The following TRAPPC9 variants were observed in gnomAD, a reference collection of about 807,000 sequenced individuals.
TRAPPC9 encodes trafficking protein particle complex subunit 9.
Under a neutral mutation model 124.0 loss-of-function variants are expected in TRAPPC9, and 83 were observed. The ratio of observed to expected loss-of-function variants is 0.67; its 90% confidence interval spans 0.56 to 0.80. The LOEUF (loss-of-function observed/expected upper bound fraction) is 0.80, where lower values mean the gene tolerates loss of function less well. Among genes scored for constraint, TRAPPC9 ranks in the 30% least tolerant of loss-of-function variants. TRAPPC9 has a pLI of 0.00. For synonymous variants in TRAPPC9, 638 were observed against 617.5 expected (o/e 1.03, Z -0.49); for missense variants, 1,302 against 1,508.3 (o/e 0.86, Z 2.27).
intron 18 of TRAPPC9, among the ~76,000 whole-genome samples, chr8:139,994,327 T>G (rs1837834711): frequency 6.6e-6 from 1 of 152,192 alleles, no homozygotes; most frequent in South Asian, 2.1e-4. Context: ...CTTCACACTG[T>G]GCGCCTGAGG....
chr8:139,839,738 G>A (rs577516542), intron 21 of TRAPPC9, among the ~76,000 whole-genome samples: 2 of 152,098 alleles, frequency 1.3e-5, no homozygotes, highest in African/African-American at 4.8e-5. Flanking sequence ...GCTCTGCTGG[G>A]TGCTGCCTCC....
chr8:140,062,483 T>G (rs1210836010), intron 17 of TRAPPC9, among the ~76,000 whole-genome samples: 1 of 152,178 alleles, frequency 6.6e-6, no homozygotes, highest in Non-Finnish European at 1.5e-5. Flanking sequence ...TTACTCCAGC[T>G]GCTGCTTCTC....
At chr8:140,017,901 T>C (rs939212573) in intron 18 of TRAPPC9, among the ~76,000 whole-genome samples, 2 of 152,106 alleles carry the variant, frequency 1.3e-5, no homozygotes, top group Non-Finnish European at 2.9e-5. Flanking sequence ...TGGAGTGCAG[T>C]GGTATAATCT....
intron 21 of TRAPPC9, among the ~76,000 whole-genome samples, chr8:139,773,929 A>G (rs898668): frequency 0.3 from 45,361 of 152,180 alleles, 8,652 homozygotes; most frequent in African/African-American, 0.54. Flanking sequence ...GAAGTCAGAA[A>G]ACATCCAAAC....
At chr8:140,240,483 C>T (rs776276161) in intron 16 of TRAPPC9, among the ~76,000 whole-genome samples, 2 of 152,200 alleles carry the variant, frequency 1.3e-5, no homozygotes, top group Non-Finnish European at 2.9e-5. Flanking sequence ...CTGGTTAAGA[C>T]CTTCCTGCCT....
intron 21 of TRAPPC9, among the ~76,000 whole-genome samples, chr8:139,836,721 A>G (rs974693992): frequency 6.6e-6 from 1 of 152,202 alleles, no homozygotes; most frequent in African/African-American, 2.4e-5. Flanking sequence ...ACAAAATCTC[A>G]GCATGCATGC....
intron 21 of TRAPPC9, among the ~76,000 whole-genome samples, chr8:139,804,786 A>G (rs1207674303): frequency 6.9e-6 from 1 of 145,462 alleles, no homozygotes; most frequent in Non-Finnish European, 1.5e-5. Flanking sequence ...ACCAAGCACC[A>G]CCGCCGCAGC....
chr8:140,454,648 A>G (rs943135780), intron 1 of TRAPPC9, among the ~76,000 whole-genome samples: 1 of 149,708 alleles, frequency 6.7e-6, no homozygotes, highest in Non-Finnish European at 1.5e-5. Flanking sequence ...CTCAAAAAAA[A>G]AAAAAAAAAA....
chr8:140,192,317 C>T (rs1183087710), intron 17 of TRAPPC9, among the ~76,000 whole-genome samples: 1 of 152,210 alleles, frequency 6.6e-6, no homozygotes, highest in Non-Finnish European at 1.5e-5. Flanking sequence ...AAATGGTTTC[C>T]CCACAGCCAT....
intron 17 of TRAPPC9, among the ~76,000 whole-genome samples, chr8:140,134,108 C>A (rs1309934237): frequency 6.6e-6 from 1 of 151,900 alleles, no homozygotes; most frequent in Non-Finnish European, 1.5e-5. Flanking sequence ...AAAAAAAGAA[C>A]AAAGTTAGAG....
intron 6 of TRAPPC9, among the ~76,000 whole-genome samples, chr8:140,403,590 T>C (rs1337676894): frequency 6.6e-6 from 1 of 152,124 alleles, no homozygotes; most frequent in Non-Finnish European, 1.5e-5. Context: ...TGTTTGTTTA[T>C]GGAGGAGTAA....
intron 5 of TRAPPC9, among the ~76,000 whole-genome samples, chr8:140,416,844 C>T (rs1462961875): frequency 6.6e-6 from 1 of 152,174 alleles, no homozygotes; most frequent in Non-Finnish European, 1.5e-5. Context: ...GTAACCAAAA[C>T]AGCATGGTAC....
intron 21 of TRAPPC9, among the ~76,000 whole-genome samples, chr8:139,743,010 G>A (rs914106880): frequency 1.3e-5 from 2 of 152,192 alleles, no homozygotes; most frequent in Admixed American, 6.5e-5. Context: ...AGCCATGTCT[G>A]CCTCACTCAG....
rs35254769 is a variant in TRAPPC9 at position 140,081,346 on chromosome 8, C to CATTTTT, written c.2557-57268_2557-57267insAAAAAT. 4.3e-4 allele frequency among the ~76,000 whole-genome samples: 60 copies of CATTTTT among 141,048 alleles called. 8 individuals are homozygous for CATTTTT. The highest frequency in any genetic ancestry group is 1.5e-3 in the East Asian group (7 of 4,692). 92.5% of individuals were successfully genotyped at this position (141,048 alleles called of 152,430 possible). ...GTCAAGGTGAAGAATAAAATGAATGCTTTTTTTTTTTTTTTTTGAGACAGA... is the reference window on the plus strand; with the variant it reads ...GTCAAGGTGAAGAATAAAATGAATGCATTTTTTTTTTTTTTTTTTTTTTGAGACAGA... On this transcript the variant is annotated intron_variant, in intron 17 of 22. Coordinates refer to ENST00000438773, the MANE Select transcript of TRAPPC9 (RefSeq NM_001160372.4).
intron 17 of TRAPPC9, among the ~76,000 whole-genome samples, chr8:140,213,448 C>G (rs1293028459): frequency 2.0e-5 from 3 of 152,178 alleles, no homozygotes; most frequent in African/African-American, 4.8e-5. Context: ...TGGCTGGAAG[C>G]TGATGAATTT....
At chr8:139,897,984 G>A (rs1416765100) in intron 20 of TRAPPC9, among the ~76,000 whole-genome samples, 1 of 152,266 alleles carries the variant, frequency 6.6e-6, no homozygotes, top group Non-Finnish European at 1.5e-5. Context: ...CACACATGAA[G>A]TTTTCTGGGG....
rs531255244 is a variant in TRAPPC9, at chr8:139,924,924, T to C, written c.2811-14624A>G. ...CCTTAGATCACCTGAATGACTTTCATGAGCAGGGGGGTCAGCGGTGTTCAG... is the reference window on the plus strand; with the variant it reads ...CCTTAGATCACCTGAATGACTTTCACGAGCAGGGGGGTCAGCGGTGTTCAG... On this transcript the variant is annotated intron_variant, in intron 19 of 22. Transcript: ENST00000438773. Among the ~76,000 whole-genome samples, 362 of 152,320 alleles carry C rather than the reference T, an allele frequency of 2.4e-3. 3 individuals carry two copies. Among genetic ancestry groups the C allele is most frequent in the African/African-American group, 8.3e-3 (344 of 41,566 alleles).
chr8:140,321,219 G>C (rs1588147700), intron 9 of TRAPPC9, among the ~76,000 whole-genome samples: 1 of 152,356 alleles, frequency 6.6e-6, no homozygotes, highest in East Asian at 1.9e-4. Context: ...CATGGGGCTA[G>C]GAGAGCCATG....
At position 140,371,196 on chromosome 8, in the gene TRAPPC9, A is replaced by C. The variant is rs1350963626; in HGVS notation, c.1135-16T>G. 1 of 1,596,178 alleles carries C rather than the reference A, an allele frequency of 6.3e-7. No homozygotes were observed. Among genetic ancestry groups the C allele is most frequent in the South Asian group, 1.1e-5 (1 of 89,242 alleles). On this transcript the variant is annotated splice_polypyrimidine_tract_variant and intron_variant, in intron 7 of 22. Transcript: ENST00000438773. ...CCTCAGAAAGCTGAAGCACAGAGAG[A>C]AAGTAAAAAGCTTTTGAAAGAAACG... is the stretch of plus-strand genomic sequence containing the variant.
Sources: allele counts gnomAD v4.1 joint callset (sites outside exome capture counted in the v4.1 genomes callset), GRCh38; gene constraint gnomAD v4.1.1; transcripts MANE v1.5; gene names NCBI Gene and HGNC (gene_info 2026-07-23, HGNC 2026-07-21).